SLC19A1: variants seen among roughly 807,000 people sequenced by gnomAD.
The protein encoded by SLC19A1 is solute carrier family 19 member 1.
SLC19A1 carries 37 observed loss-of-function variants against 35.3 expected under a neutral mutation model. The observed-to-expected ratio is 1.05, with a 90% CI of 0.81 to 1.38. The LOEUF is 1.38. SLC19A1 is among the 40% of genes most tolerant of loss of function. SLC19A1 has a pLI of 0.00. For missense variants in SLC19A1, 831 were observed against 826.9 expected, an observed-to-expected ratio of 1.00 and a Z score of -0.06; for synonymous variants, 460 against 398.5, an observed-to-expected ratio of 1.15 and a Z score of -1.84.
downstream of SLC19A1, chr21:45,509,556 A>ACCCACAAG: frequency 6.5e-7 from 1 of 1,533,714 alleles, no homozygotes; most frequent in Non-Finnish European, 8.7e-7. Context: ...GGCCGGCGCG[A>ACCCACAAG]CCCACAAGCC....
downstream of SLC19A1, chr21:45,510,984 ACCCCACACAC>A: frequency 5.3e-4 from 27 of 51,082 alleles, 9 homozygotes; most frequent in South Asian, 7.9e-4. Flanking sequence ...CACCCCCCAC[ACCCCACACAC>A]ACAACACACC....
chr21:45,510,176 G>A (rs775271361), downstream of SLC19A1: 15 of 1,596,362 alleles, frequency 9.4e-6, no homozygotes, highest in African/African-American at 1.3e-5. Flanking sequence ...GGCACCTTCC[G>A]CGCCTTCCTG....
rs557998866 is a variant in SLC19A1, at chr21:45,515,920, T to C, written c.1514A>G (p.Glu505Gly). ...TGGCCCCACAGCCCCCAGGCTGTCTTCTGGGGAAAGCGGCGGGCTCTGGGC... is the reference window on the plus strand; with the variant it reads ...TGGCCCCACAGCCCCCAGGCTGTCTCCTGGGGAAAGCGGCGGGCTCTGGGC... ...QPAQSPPLSP[E>G]DSLGAVGPAS... The change falls in exon 6 of 6, where the codon GAA becomes GGA. Residue 505 changes from glutamate (E) to glycine (G), a missense_variant. Glu to Gly is a moderately conservative substitution (Grantham distance 98). Coordinates refer to ENST00000311124, the MANE Select transcript of SLC19A1 (RefSeq NM_194255.4). 1.6e-5 allele frequency: 25 copies of C among 1,548,556 alleles called. 1 individual carries two copies. Among genetic ancestry groups the C allele is most frequent in the Middle Eastern group, 3.4e-4 (2 of 5,852 alleles).
Position 45,534,639 on chromosome 21 carries a change from G to A in SLC19A1, c.190-2491C>T, listed in dbSNP as rs2078046995. The A allele has an allele frequency of 6.5e-7, 1 of 1,532,024 alleles. No homozygotes were observed. Among genetic ancestry groups the A allele is most frequent in the Non-Finnish European group, 8.7e-7 (1 of 1,143,736 alleles). The allele number at this position is 1,532,024 out of a possible 1,614,324, so 94.9% of individuals were successfully genotyped here. ...CTCCTGGTCTTAGTTGAGGGTCTGA[G>A]CGCAGAGCTCCCCCTTGGCAGCCAC... is the stretch of plus-strand genomic sequence containing the variant. On this transcript the variant is annotated intron_variant, in intron 2 of 5. Coordinates refer to ENST00000311124, the MANE Select transcript of SLC19A1 (RefSeq NM_194255.4). The surrounding 1 kb of genome is among the most constrained non-coding windows in gnomAD (Gnocchi z 4.2).
downstream of SLC19A1, chr21:45,510,123 C>G (rs775221635): frequency 6.3e-7 from 1 of 1,599,366 alleles, no homozygotes; most frequent in Non-Finnish European, 8.5e-7. Flanking sequence ...TCCGCGGGGC[C>G]GACTTCCAGT....
intron 5 of SLC19A1, among the ~76,000 whole-genome samples, chr21:45,518,317 A>T (rs1266159339): frequency 6.6e-6 from 1 of 152,210 alleles, no homozygotes; most frequent in Non-Finnish European, 1.5e-5. Flanking sequence ...ACCTGAACAA[A>T]AGAAAAAATG....
At chr21:45,502,608 C>A (rs2036925479) in intron 3 of SLC19A1, 1 of 152,200 alleles carries the variant, frequency 6.6e-6, no homozygotes, top group Non-Finnish European at 1.5e-5. Flanking sequence ...AGGCGAACAA[C>A]ATTCCTGCAC....
chr21:45,546,347 C>G (rs2078415578), upstream of SLC19A1, among the ~76,000 whole-genome samples: 1 of 152,272 alleles, frequency 6.6e-6, no homozygotes, highest in South Asian at 2.1e-4. Context: ...CAGCCTGTCA[C>G]AGCCCCACAG....
At chr21:45,503,366 C>T (rs2036969686) in intron 3 of SLC19A1, among the ~76,000 whole-genome samples, 1 of 151,990 alleles carries the variant, frequency 6.6e-6, no homozygotes, top group East Asian at 1.9e-4. Context: ...GCATAAATGT[C>T]TTCTTTTGAG....
chr21:45,560,638 A>C (rs1196649007), intron 1 of SLC19A1, among the ~76,000 whole-genome samples: 2 of 152,214 alleles, frequency 1.3e-5, no homozygotes, highest in African/African-American at 4.8e-5. Context: ...ACGGCGGGGC[A>C]GGGGAGCGGA....
At chr21:45,555,889 C>G (rs1472720074) in intron 1 of SLC19A1, among the ~76,000 whole-genome samples, 1 of 151,832 alleles carries the variant, frequency 6.6e-6, no homozygotes, top group Non-Finnish European at 1.5e-5. Context: ...GTGACATCAC[C>G]GCGACGCTGC....
rs1045773310 is a variant in SLC19A1, at chr21:45,533,091, C to T, written c.190-943G>A. On this transcript the variant is annotated intron_variant, in intron 2 of 5. Transcript: ENST00000311124. This position sits in a 1 kb window ranked among gnomAD's most constrained non-coding sequence, Gnocchi z 4.5. The stretch of plus-strand genomic sequence containing the variant: ...ACCCAGGAGCAGGGAGGGGGGCAAA[C>T]GCCCCTGTAGCCGCCCTGCACCCTC... Among the ~76,000 whole-genome samples, 5 of 152,218 alleles carry T rather than the reference C, an allele frequency of 3.3e-5. No individual in the cohort carries two copies. The highest frequency in any genetic ancestry group is 2.1e-4 in the South Asian group (1 of 4,838).
At chr21:45,505,467 C>G in intron 3 of SLC19A1, 1 of 1,138,774 alleles carries the variant, frequency 8.8e-7, no homozygotes, top group Non-Finnish European at 1.3e-6. Context: ...CACCTGCGTC[C>G]CGTGCCCTGG....
chr21:45,529,890 GTGTC>G (rs1215917209), intron 4 of SLC19A1, among the ~76,000 whole-genome samples: 1 of 150,820 alleles, frequency 6.6e-6, no homozygotes, highest in Non-Finnish European at 1.5e-5. Flanking sequence ...AGTGTGGTGG[GTGTC>G]TGTGAACATG....
intron 5 of SLC19A1, among the ~76,000 whole-genome samples, chr21:45,519,570 C>CAA (rs57639933): frequency 7.0e-4 from 40 of 57,206 alleles, no homozygotes; most frequent in Non-Finnish European, 9.5e-4. Flanking sequence ...AACTTCTGAG[C>CAA]AAAAAAAAAA....
chr21:45,521,648 T>C (rs1317017725), intron 5 of SLC19A1, among the ~76,000 whole-genome samples: 1 of 152,254 alleles, frequency 6.6e-6, no homozygotes. Context: ...GACAGTGTGA[T>C]ATTGGTACAA....
At chr21:45,506,138 GTT>G in intron 3 of SLC19A1, 1 of 1,047,506 alleles carries the variant, frequency 9.5e-7, no homozygotes, top group East Asian at 2.6e-5. Context: ...TTTGTGAGCA[GTT>G]TTGGGTTTAA....
At chr21:45,562,050 G>T (rs1414725249) in intron 1 of SLC19A1, among the ~76,000 whole-genome samples, 1 of 145,236 alleles carries the variant, frequency 6.9e-6, no homozygotes, top group Non-Finnish European at 1.5e-5. Flanking sequence ...AGAATCACTT[G>T]AACCCAGGAG....
downstream of SLC19A1, among the ~76,000 whole-genome samples, chr21:45,508,671 G>C (rs1021311663): frequency 3.9e-5 from 6 of 152,214 alleles, no homozygotes; most frequent in Admixed American, 6.5e-5. Context: ...GCTCCACAGC[G>C]GCCTGTCTCC....
Sources: allele counts gnomAD v4.1 joint callset (sites outside exome capture counted in the v4.1 genomes callset), GRCh38; gene constraint gnomAD v4.1.1; non-coding constraint Gnocchi (gnomAD v3.1); transcripts MANE v1.5; gene names NCBI Gene and HGNC (gene_info 2026-07-23, HGNC 2026-07-21).